The following RFX3 variants were observed in gnomAD, a reference collection of about 807,000 sequenced individuals.
RFX3 encodes transcription factor RFX3.
A neutral mutation model predicts 98.6 loss-of-function variants in RFX3; 14 were observed. The observed-to-expected ratio is 0.14, with a 90% CI of 0.09 to 0.22. The LOEUF (loss-of-function observed/expected upper bound fraction) is 0.22, where lower values mean the gene tolerates loss of function less well. Among genes scored for constraint, RFX3 ranks in the 10% least tolerant of loss-of-function variants. The pLI is 1.00. For missense variants in RFX3, 639 were observed against 926.9 expected (o/e 0.69, Z 4.03); for synonymous variants, 383 against 328.4 (o/e 1.17, Z -1.80).
rs763064918 is a variant in RFX3 at position 3,525,916 on chromosome 9, T to A, written c.-178A>T. On this transcript the variant is annotated 5_prime_UTR_variant, in exon 1 of 17. Transcript: ENST00000617270. ...TTGATTCACAAGGCAACGGTTGCTA[T>A]AACTCACAAAAGAGAGAGAGAGAGG... The A allele has an allele frequency of 2.9e-5, 28 of 974,260 alleles. No individual in the cohort carries two copies. The highest frequency in any genetic ancestry group is 3.7e-5 in the African/African-American group (2 of 54,336). The allele number at this position is 974,260 out of a possible 1,614,324, so 60.4% of individuals were successfully genotyped here. A position where few individuals can be genotyped will look rare whatever the true frequency, so the allele number is the denominator to read the frequency against.
At chr9:3,237,393 A>AT (rs748891777) in intron 15 of RFX3, among the ~76,000 whole-genome samples, 4 of 152,184 alleles carry the variant, frequency 2.6e-5, no homozygotes, top group Non-Finnish European at 5.9e-5. Flanking sequence ...CAGTATTATC[A>AT]ATGCCTTCAT....
chr9:3,446,145 T>C (rs1217111305), intron 1 of RFX3, among the ~76,000 whole-genome samples: 1 of 152,054 alleles, frequency 6.6e-6, no homozygotes, highest in Non-Finnish European at 1.5e-5. Flanking sequence ...GGATAGATGA[T>C]GGGCAGGTGA....
chr9:3,325,238 C>G lies in RFX3; in HGVS notation c.474+5021G>C, dbSNP rs1831779356. ...TTTATACTCTTAGAAAAAGCATTCCCTTACACCAAATTCATAAACATGCCA... is the reference window on the plus strand; with the variant it reads ...TTTATACTCTTAGAAAAAGCATTCCGTTACACCAAATTCATAAACATGCCA... On this transcript the variant is annotated intron_variant, in intron 4 of 16. Transcript: ENST00000617270. Among the ~76,000 whole-genome samples the G allele has an allele frequency of 3.3e-5, 5 of 152,202 alleles. No homozygotes were observed. In the South Asian group the frequency reaches 1.0e-3, roughly 32 times the overall value.
chr9:3,471,420 C>T (rs757435067), intron 1 of RFX3, among the ~76,000 whole-genome samples: 1 of 152,148 alleles, frequency 6.6e-6, no homozygotes, highest in African/African-American at 2.4e-5. Flanking sequence ...CTCCTAATTC[C>T]AAGTCTAGTG....
chr9:3,275,059 TG>T (rs972502872), intron 9 of RFX3, among the ~76,000 whole-genome samples: 7 of 152,036 alleles, frequency 4.6e-5, no homozygotes, highest in Non-Finnish European at 1.0e-4. Context: ...ATTCTTTTGA[TG>T]GCTGTATAGT....
At chr9:3,332,614 C>G (rs1832723026) in intron 3 of RFX3, among the ~76,000 whole-genome samples, 1 of 152,148 alleles carries the variant, frequency 6.6e-6, no homozygotes, top group South Asian at 2.1e-4. Context: ...AATAAAACCG[C>G]TTAAAAACCT....
intron 1 of RFX3, among the ~76,000 whole-genome samples, chr9:3,493,564 T>A (rs932253303): frequency 6.6e-6 from 1 of 151,026 alleles, no homozygotes; most frequent in Non-Finnish European, 1.5e-5. Context: ...CGCGCCTGTA[T>A]TCCCAGCTAC....
At chr9:3,500,942 C>T (rs2133646424) in intron 1 of RFX3, among the ~76,000 whole-genome samples, 1 of 152,278 alleles carries the variant, frequency 6.6e-6, no homozygotes, top group Non-Finnish European at 1.5e-5. Context: ...CCTGTCAATA[C>T]TATTAACTAA....
At chr9:3,409,946 G>C (rs1842310519) in intron 1 of RFX3, among the ~76,000 whole-genome samples, 1 of 152,056 alleles carries the variant, frequency 6.6e-6, no homozygotes, top group Non-Finnish European at 1.5e-5. Context: ...CTTTCTAATA[G>C]GCTATGGTTA....
At chr9:3,290,033 A>G (rs538853060) in intron 6 of RFX3, among the ~76,000 whole-genome samples, 167 of 152,230 alleles carry the variant, frequency 1.1e-3, no homozygotes, top group African/African-American at 3.9e-3. Flanking sequence ...AACAGTTTCT[A>G]TGGTAGAAAG....
At chr9:3,394,898 G>A (rs1840698541) in intron 2 of RFX3, 1 of 915,770 alleles carries the variant, frequency 1.1e-6, no homozygotes, top group African/African-American at 1.8e-5. Context: ...AATAAGACCT[G>A]TAGTAAATAT....
In RFX3 at chr9:3,414,374, G is replaced by C. The variant is rs540135774; in HGVS notation, c.-8-18778C>G. Reference sequence around the variant, plus strand: ...AGTCATTATCTTGCAAAATCAGTGAGAAATTAAAAACACAATAGAGTTAGC... The same window carrying C: ...AGTCATTATCTTGCAAAATCAGTGACAAATTAAAAACACAATAGAGTTAGC... On this transcript the variant is annotated intron_variant, in intron 1 of 16. Transcript: ENST00000617270. 9.7e-4 allele frequency among the ~76,000 whole-genome samples: 148 copies of C among 151,974 alleles called. 1 individual carries two copies. Among genetic ancestry groups the C allele is most frequent in the Non-Finnish European group, 1.9e-3 (126 of 67,918 alleles).
intron 2 of RFX3, among the ~76,000 whole-genome samples, chr9:3,373,788 A>G (rs1838119081): frequency 6.7e-6 from 1 of 149,962 alleles, no homozygotes; most frequent in African/African-American, 2.4e-5. Context: ...TTTTAAAAAT[A>G]CAAGTACCAG....
At chr9:3,299,576 T>G (rs1299186953) in intron 5 of RFX3, among the ~76,000 whole-genome samples, 2 of 151,814 alleles carry the variant, frequency 1.3e-5, no homozygotes, top group Non-Finnish European at 3.0e-5. Flanking sequence ...TTGCGCCCAC[T>G]CTTTCCACAT....
intron 2 of RFX3, among the ~76,000 whole-genome samples, chr9:3,358,876 C>T (rs1836080346): frequency 6.6e-6 from 1 of 151,892 alleles, no homozygotes; most frequent in Non-Finnish European, 1.5e-5. Flanking sequence ...AGGGGAAAGC[C>T]CCTTATAAAA....
intron 2 of RFX3, among the ~76,000 whole-genome samples, chr9:3,390,413 T>A (rs1564030557): frequency 6.6e-6 from 1 of 152,118 alleles, no homozygotes; most frequent in Non-Finnish European, 1.5e-5. Flanking sequence ...CCTAGAGACT[T>A]GTTGAATGGC....
chr9:3,419,118 C>A (rs1843227555), intron 1 of RFX3, among the ~76,000 whole-genome samples: 1 of 152,084 alleles, frequency 6.6e-6, no homozygotes, highest in Non-Finnish European at 1.5e-5. Context: ...AGCAGTATAG[C>A]ACTGGAACAA....
chr9:3,232,886 T>C lies in RFX3; in HGVS notation c.1969-3997A>G, dbSNP rs187074433. 2.3e-3 allele frequency among the ~76,000 whole-genome samples: 343 copies of C among 151,160 alleles called. 2 individuals carry two copies. Among genetic ancestry groups the C allele is most frequent in the Middle Eastern group, 0.014 (4 of 292 alleles). ...ACAGACAGAGAGAAACACCCACACA[T>C]GGAGGAAGAAATATAAATTAAGGGA... On this transcript the variant is annotated intron_variant, in intron 15 of 16. Transcript: ENST00000617270.
At chr9:3,451,774 T>C (rs1846658878) in intron 1 of RFX3, among the ~76,000 whole-genome samples, 2 of 151,992 alleles carry the variant, frequency 1.3e-5, no homozygotes, top group East Asian at 1.9e-4. Context: ...CTGTTTAATA[T>C]CTTCACATGC....
Sources: gnomAD v4.1 joint callset for allele counts (sites outside exome capture counted in the v4.1 genomes callset) on GRCh38, gnomAD v4.1.1 for gene constraint, MANE v1.5 for transcripts, NCBI Gene and HGNC (gene_info 2026-07-23, HGNC 2026-07-21) for gene names.